Variants in GALNT17 observed in about 807,000 individuals in gnomAD.
GALNT17 encodes UDP-GalNAc:polypeptide N-acetylgalactosaminyltransferase-like 3.
In GALNT17, 29 loss-of-function variants were observed where a neutral mutation model predicts 63.7. The ratio of observed to expected loss-of-function variants is 0.46; its 90% CI spans 0.34 to 0.62. The LOEUF is 0.62. GALNT17 is among the 20% of genes least tolerant of loss of function. The probability of loss-of-function intolerance (pLI) is 0.01; values close to 1 mark genes in which losing one functional copy is unlikely to be tolerated. For missense variants in GALNT17, 603 were observed against 799.6 expected, an observed-to-expected ratio of 0.75 and a Z score of 2.97; for synonymous variants, 305 against 318.3, an observed-to-expected ratio of 0.96 and a Z score of 0.45.
rs1554338078 is a variant in GALNT17 at position 71,201,239 on chromosome 7, T to TATATATATATATA, written c.238+68199_238+68200insATATATATATATA. Among the ~76,000 whole-genome samples the TATATATATATATA allele has an allele frequency of 9.1e-3, 921 of 101,536 alleles. 31 individuals are homozygous for TATATATATATATA. Among genetic ancestry groups the TATATATATATATA allele is most frequent in the African/African-American group, 0.034 (882 of 26,132 alleles). 66.6% of individuals were successfully genotyped at this position (101,536 alleles called of 152,430 possible). A position where few individuals can be genotyped will look rare whatever the true frequency, so the allele number is the denominator to read the frequency against. On this transcript the variant is annotated intron_variant, in intron 1 of 10. Transcript: ENST00000333538. ...TTTGTATGGGGGTGTGTGTGTTTAT[T>TATATATATATATA]TTTATATATATATATATAATTTGTG...
At chr7:71,395,854 A>G (rs1252493324) in intron 3 of GALNT17, among the ~76,000 whole-genome samples, 2 of 152,142 alleles carry the variant, frequency 1.3e-5, no homozygotes, top group Non-Finnish European at 2.9e-5. Flanking sequence ...AATTATTTTG[A>G]GCATCTTTTC....
intron 1 of GALNT17, among the ~76,000 whole-genome samples, chr7:71,306,382 A>T (rs865801769): frequency 6.6e-6 from 1 of 152,126 alleles, no homozygotes; most frequent in Admixed American, 6.5e-5. Context: ...TACCCATTAA[A>T]CAATAACTCC....
In GALNT17 at chr7:71,199,693, CCATCCATCCATCCAT is replaced by C. The variant is rs1562908038; in HGVS notation, c.238+66655_238+66669del. Among the ~76,000 whole-genome samples, 499 of 141,962 alleles carry C rather than the reference CCATCCATCCATCCAT, an allele frequency of 3.5e-3. 6 individuals are homozygous for C. Among genetic ancestry groups the C allele is most frequent in the African/African-American group, 0.012 (465 of 39,146 alleles). 93.1% of individuals were successfully genotyped at this position (141,962 alleles called of 152,430 possible). A position where few individuals can be genotyped will look rare whatever the true frequency, so the allele number is the denominator to read the frequency against. The stretch of plus-strand genomic sequence containing the variant: ...TCCACCCATCCATCCATCCATCCAT[CCATCCATCCATCCAT>C]CCATGTATGTGTCCACCCACCCACC... On this transcript the variant is annotated intron_variant, in intron 1 of 10. Coordinates refer to ENST00000333538, the MANE Select transcript of GALNT17 (RefSeq NM_022479.3).
chr7:71,140,540 T>TG (rs1787868986), intron 1 of GALNT17, among the ~76,000 whole-genome samples: 1 of 152,212 alleles, frequency 6.6e-6, no homozygotes, highest in South Asian at 2.1e-4. Flanking sequence ...GTGTCATTCT[T>TG]GCTGAAGAAA....
intron 1 of GALNT17, among the ~76,000 whole-genome samples, chr7:71,190,689 T>C (rs1401422232): frequency 6.6e-6 from 1 of 152,152 alleles, no homozygotes; most frequent in African/African-American, 2.4e-5. Context: ...TGGAGTGCAG[T>C]GGTGTGATCA....
intron 1 of GALNT17, among the ~76,000 whole-genome samples, chr7:71,246,156 C>A (rs1263267268): frequency 4.2e-5 from 5 of 119,390 alleles, no homozygotes; most frequent in Non-Finnish European, 8.0e-5. Context: ...GAGGCTTGCT[C>A]TGTCACTTAG....
Position 71,212,767 on chromosome 7 carries a change from G to A in GALNT17, c.238+79727G>A, listed in dbSNP as rs188762816. Among the ~76,000 whole-genome samples, 23 of 152,238 alleles carry A rather than the reference G, an allele frequency of 1.5e-4. No individual in the cohort carries two copies. In the East Asian group the frequency reaches 3.7e-3, roughly 24 times the overall value. ...GCTTTAAAATTGGACTGCCCTGCTCGATTTCAGACTTGCATGGGCCCTGTG... is the reference window on the plus strand; with the variant it reads ...GCTTTAAAATTGGACTGCCCTGCTCAATTTCAGACTTGCATGGGCCCTGTG... On this transcript the variant is annotated intron_variant, in intron 1 of 10. Coordinates refer to ENST00000333538, the MANE Select transcript of GALNT17 (RefSeq NM_022479.3).
intron 1 of GALNT17, among the ~76,000 whole-genome samples, chr7:71,201,995 A>G (rs961175798): frequency 2.0e-5 from 3 of 152,112 alleles, no homozygotes; most frequent in East Asian, 3.9e-4. Flanking sequence ...CTTCTTTCTC[A>G]GTGATCTGTG....
At chr7:71,655,788 A>T (rs1451660865) in intron 6 of GALNT17, among the ~76,000 whole-genome samples, 1 of 152,138 alleles carries the variant, frequency 6.6e-6, no homozygotes, top group Admixed American at 6.5e-5. Flanking sequence ...GATTTGCACC[A>T]GAAGGGGTGC....
chr7:71,631,347 C>A (rs73371254), intron 6 of GALNT17, among the ~76,000 whole-genome samples: 12,731 of 151,890 alleles, frequency 0.084, 703 homozygotes, highest in African/African-American at 0.16. Flanking sequence ...ACATGCATGA[C>A]CACACCCAGC....
intron 1 of GALNT17, among the ~76,000 whole-genome samples, chr7:71,259,631 G>GTTTTTTT (rs1164044325): frequency 7.7e-6 from 1 of 129,856 alleles, no homozygotes; most frequent in African/African-American, 2.8e-5. Context: ...GTCCTGTTTT[G>GTTTTTTT]TTTTTTGTTT....
At chr7:71,250,294 C>A (rs1790173296) in intron 1 of GALNT17, among the ~76,000 whole-genome samples, 1 of 152,100 alleles carries the variant, frequency 6.6e-6, no homozygotes, top group South Asian at 2.1e-4. Flanking sequence ...ATATTTTGAA[C>A]TTAAAAAATA....
At chr7:71,674,289 A>G (rs1369903618) in intron 8 of GALNT17, among the ~76,000 whole-genome samples, 1 of 151,964 alleles carries the variant, frequency 6.6e-6, no homozygotes, top group Non-Finnish European at 1.5e-5. Context: ...GATGGACTAT[A>G]GTGTTAAATG....
chr7:71,307,878 A>T (rs1791335600), intron 1 of GALNT17: 1 of 149,096 alleles, frequency 6.7e-6, no homozygotes, highest in Non-Finnish European at 1.5e-5. Context: ...GCTCTGGGAG[A>T]TTGTAAAGGT....
intron 1 of GALNT17, among the ~76,000 whole-genome samples, chr7:71,276,234 A>G (rs1333906291): frequency 2.0e-5 from 3 of 148,838 alleles, no homozygotes; most frequent in Non-Finnish European, 3.0e-5. Context: ...AGGTGGCTGC[A>G]GGGGTGGGGG....
intron 6 of GALNT17, among the ~76,000 whole-genome samples, chr7:71,572,526 A>AAAAC (rs1008758990): frequency 6.0e-5 from 9 of 150,352 alleles, no homozygotes; most frequent in Admixed American, 2.0e-4. Context: ...AAAAAAAAAA[A>AAAAC]AAAACTACAT....
At chr7:71,361,184 C>T (rs976385543) in intron 2 of GALNT17, among the ~76,000 whole-genome samples, 2 of 152,140 alleles carry the variant, frequency 1.3e-5, no homozygotes, top group African/African-American at 2.4e-5. Flanking sequence ...TCTGCTTTTA[C>T]AGTTTTTACT....
At chr7:71,324,774 CAT>C (rs1252863351) in intron 1 of GALNT17, among the ~76,000 whole-genome samples, 1 of 150,582 alleles carries the variant, frequency 6.6e-6, no homozygotes, top group Non-Finnish European at 1.5e-5. Flanking sequence ...TATATATACA[CAT>C]ACGCATGTGA....
intron 9 of GALNT17, among the ~76,000 whole-genome samples, chr7:71,701,818 CATATATATACACATATATATATGTGT>C (rs1791642499): frequency 1.6e-4 from 1 of 6,286 alleles, no homozygotes; most frequent in Admixed American, 1.0e-3. Context: ...TATATATACA[CATATATATACACATATATATATGTGT>C]ATATATATAT....
Sources: gnomAD v4.1 joint callset for allele counts (sites outside exome capture counted in the v4.1 genomes callset) on GRCh38, gnomAD v4.1.1 for gene constraint, MANE v1.5 for transcripts, NCBI Gene and HGNC (gene_info 2026-07-23, HGNC 2026-07-21) for gene names.